TADA2B: variants seen among roughly 807,000 people sequenced by gnomAD.
The protein encoded by TADA2B is transcriptional adaptor 2B, also known as transcriptional adapter 2-beta.
In TADA2B, 13 loss-of-function variants were observed where a neutral mutation model predicts 34.5. The ratio of observed to expected loss-of-function variants is 0.38; its 90% CI spans 0.25 to 0.60. The LOEUF is 0.60. Among genes scored for constraint, TADA2B ranks in the 20% least tolerant of loss-of-function variants. TADA2B has a pLI of 0.65. For missense variants in TADA2B, 442 were observed against 575.0 expected (o/e 0.77, Z 2.37); for synonymous variants, 240 against 243.4 (o/e 0.99, Z 0.13).
At chr4:7,048,720 C>G (rs1029844933) in intron 1 of TADA2B, among the ~76,000 whole-genome samples, 2 of 152,134 alleles carry the variant, frequency 1.3e-5, no homozygotes, top group African/African-American at 4.8e-5. Flanking sequence ...AAACTCTGTC[C>G]CCATTCAACA....
Position 7,054,572 on chromosome 4 carries a change from C to G in TADA2B, c.781C>G (p.Pro261Ala), listed in dbSNP as rs760726462. The change falls in exon 2 of 2, where the codon CCG (proline) becomes GCG (alanine). Residue 261 changes from proline (P) to alanine (A), a missense_variant. Pro to Ala is a conservative substitution (Grantham distance 27). Coordinates refer to ENST00000310074, the MANE Select transcript of TADA2B (RefSeq NM_152293.3). ...EEKELRLKLRPLYQFMSCKEF... is the reference protein window; with the variant it reads ...EEKELRLKLRALYQFMSCKEF... ...GAAGGAGCTGCGCCTGAAGCTGAGGCCGCTGTACCAGTTCATGTCATGCAA... is the reference window on the plus strand; with the variant it reads ...GAAGGAGCTGCGCCTGAAGCTGAGGGCGCTGTACCAGTTCATGTCATGCAA... The G allele has an allele frequency of 1.2e-6, 2 of 1,613,916 alleles. No homozygotes were observed. The highest frequency in any genetic ancestry group is 2.2e-5 in the South Asian group (2 of 91,082).
intron 1 of TADA2B, among the ~76,000 whole-genome samples, chr4:7,045,389 C>T (rs1723601715): frequency 6.6e-6 from 1 of 152,174 alleles, no homozygotes; most frequent in South Asian, 2.1e-4. Flanking sequence ...GTTCGTTATT[C>T]CCCCTCCACC....
intron 1 of TADA2B, among the ~76,000 whole-genome samples, chr4:7,051,061 C>G (rs151106970): frequency 6.6e-6 from 1 of 152,186 alleles, no homozygotes; most frequent in Non-Finnish European, 1.5e-5. Context: ...TGGGCGTAGA[C>G]GTGCTTATCT....
At chr4:7,050,890 G>A (rs1048681546) in intron 1 of TADA2B, among the ~76,000 whole-genome samples, 3 of 152,198 alleles carry the variant, frequency 2.0e-5, no homozygotes, top group African/African-American at 7.2e-5. Flanking sequence ...GGCGACGGGT[G>A]TATGCTCCCA....
intron 1 of TADA2B, among the ~76,000 whole-genome samples, chr4:7,044,117 C>T (rs922147897): frequency 6.6e-6 from 1 of 152,272 alleles, no homozygotes; most frequent in African/African-American, 2.4e-5. Flanking sequence ...GAGCCATTTC[C>T]CTCACCTTCA....
At position 7,056,045 on chromosome 4, in the gene TADA2B, G is replaced by C. The variant is rs1364541376; in HGVS notation, c.*991G>C. On this transcript the variant is annotated 3_prime_UTR_variant, in exon 2 of 2. Transcript: ENST00000310074. ...AAGTACCTTTCCACTGAAAATATGA[G>C]CATGCCCGCCTGGCTAGTAGGCATC... 2.0e-5 allele frequency: 3 copies of C among 152,412 alleles called. No homozygotes were observed. Among genetic ancestry groups the C allele is most frequent in the African/African-American group, 7.2e-5 (3 of 41,456 alleles). The allele number at this position is 152,412 out of a possible 1,614,324, so 9.4% of individuals were successfully genotyped here. A position where few individuals can be genotyped will look rare whatever the true frequency, so the allele number is the denominator to read the frequency against.
In TADA2B at chr4:7,043,710, A is replaced by G; in HGVS notation, c.131A>G (p.His44Arg). ...ECFSAGAEIG[H>R]HRRYHGYQLV... is the part of the protein sequence containing the mutation. ...TTCTCGGCCGGCGCCGAGATCGGCC[A>G]CCACCGCCGCTACCACGGCTACCAG... The change falls in exon 1 of 2, where the codon CAC (histidine) becomes CGC (arginine). Residue 44 changes from histidine to arginine, a missense_variant. By Grantham distance (29) the His-to-Arg change is conservative. This residue lies in a region of TADA2B where 102 missense variants were observed against 177.2 expected (regional missense o/e 0.58). Coordinates refer to ENST00000310074, the MANE Select transcript of TADA2B (RefSeq NM_152293.3). 6.3e-7 allele frequency: 1 copy of G among 1,584,782 alleles called. No individual in the cohort carries two copies. The highest frequency in any genetic ancestry group is 8.5e-7 in the Non-Finnish European group (1 of 1,170,632).
intron 1 of TADA2B, among the ~76,000 whole-genome samples, chr4:7,048,743 CCCCCTT>C: frequency 6.6e-6 from 1 of 152,138 alleles, no homozygotes; most frequent in Non-Finnish European, 1.5e-5. Context: ...CACTCCCCCT[CCCCCTT>C]CCCCAGTCCC....
chr4:7,043,808 C>T lies in TADA2B; in HGVS notation c.229C>T (p.Leu77=), dbSNP rs749849289. The T allele has an allele frequency of 4.6e-6, 7 of 1,525,812 alleles. No homozygotes were observed. The East Asian group carries it at 7.3e-5, about 16-fold the overall frequency. The allele number at this position is 1,525,812 out of a possible 1,614,324, so 94.5% of individuals were successfully genotyped here. ...CGGCTGGACCAGTCGCGAGGAGCAG[C>T]TGCTGCTGGACGCCATCGAGCAGTT... The part of the protein sequence containing the change: ...EGGWTSREEQ[L]LLDAIEQFGF... Residue 77 remains leucine (L), a synonymous_variant, in exon 1 of 2, where the codon CTG becomes TTG. Coordinates refer to ENST00000310074, the MANE Select transcript of TADA2B (RefSeq NM_152293.3).
Position 7,051,215 on chromosome 4 carries a change from C to T in TADA2B, c.271-2847C>T, listed in dbSNP as rs374362923. Among the ~76,000 whole-genome samples, 8 of 152,324 alleles carry T rather than the reference C, an allele frequency of 5.3e-5. No individual in the cohort carries two copies. The South Asian group carries it at 1.7e-3, about 32-fold the overall frequency. ...GGCTTCCTGGACCCGGCGACCTGGT[C>T]TTGGATAAACCTTCCCTGTGGGAGG... On this transcript the variant is annotated intron_variant, in intron 1 of 1. Coordinates refer to ENST00000310074, the MANE Select transcript of TADA2B (RefSeq NM_152293.3).
At chr4:7,047,651 G>T (rs563647740) in intron 1 of TADA2B, among the ~76,000 whole-genome samples, 1 of 152,262 alleles carries the variant, frequency 6.6e-6, no homozygotes, top group Non-Finnish European at 1.5e-5. Flanking sequence ...GGCAGGTGCC[G>T]TGTGGGCAAG....
At chr4:7,050,571 A>G (rs995373929) in intron 1 of TADA2B, among the ~76,000 whole-genome samples, 8 of 152,194 alleles carry the variant, frequency 5.3e-5, no homozygotes, top group Non-Finnish European at 8.8e-5. Context: ...GGGGTGAGGA[A>G]AGGACAGCAG....
At position 7,054,104 on chromosome 4, in the gene TADA2B, G is replaced by C. The variant is rs2108786599; in HGVS notation, c.313G>C (p.Glu105Gln). ...AHVGASRTPQ[E>Q]VMEHYVSMYI... ...CGTTGGTGCTTCCCGGACTCCCCAA[G>C]AGGTGATGGAGCATTACGTGAGCAT... is the stretch of plus-strand genomic sequence containing the variant. The change falls in exon 2 of 2, where the codon GAG becomes CAG. Residue 105 changes from glutamate to glutamine, a missense_variant. Glu to Gln is a conservative substitution (Grantham distance 29). Transcript: ENST00000310074. The C allele has an allele frequency of 1.2e-6, 2 of 1,600,310 alleles. No individual in the cohort carries two copies. The highest frequency in any genetic ancestry group is 4.5e-5 in the East Asian group (2 of 44,352).
Position 7,043,779 on chromosome 4 carries a change from A to G in TADA2B, c.200A>G (p.Glu67Gly). 6.4e-7 allele frequency: 1 copy of G among 1,569,940 alleles called. No homozygotes were observed. Residue 67 changes from glutamate to glycine, a missense_variant, in exon 1 of 2, where the codon GAG becomes GGG. By Grantham distance (98) the Glu-to-Gly change is moderately conservative. Around this residue, in one of 4 missense-constraint regions of TADA2B, gnomAD observed 102 missense variants for 177.2 expected, o/e 0.58. Transcript: ENST00000310074. ...GRFTLWGPEA[E>G]GGWTSREEQL... is the part of the protein sequence containing the mutation. ...TTCACGCTCTGGGGGCCCGAGGCCG[A>G]GGGCGGCTGGACCAGTCGCGAGGAG...
At position 7,054,927 on chromosome 4, in the gene TADA2B, A is replaced by G; in HGVS notation, c.1136A>G (p.Asp379Gly). The G allele has an allele frequency of 6.2e-7, 1 of 1,613,880 alleles. No homozygotes were observed. The highest frequency in any genetic ancestry group is 8.5e-7 in the Non-Finnish European group (1 of 1,179,892). ...YVTVKTIIIK[D>G]HLQKRQGIPS... ...ACTGTGAAGACTATTATAATTAAAG[A>G]CCACCTCCAGAAGCGGCAAGGAATC... Residue 379 changes from aspartate to glycine, a missense_variant, in exon 2 of 2, where the codon GAC (aspartate) becomes GGC (glycine). Transcript: ENST00000310074.
At chr4:7,044,467 GTT>G (rs1306313385) in intron 1 of TADA2B, among the ~76,000 whole-genome samples, 2 of 152,188 alleles carry the variant, frequency 1.3e-5, no homozygotes, top group Non-Finnish European at 2.9e-5. Flanking sequence ...TGGGGCTTGG[GTT>G]TTGCTCTCTT....
chr4:7,045,164 G>C (rs1043174323), intron 1 of TADA2B: 1 of 152,276 alleles, frequency 6.6e-6, no homozygotes, highest in African/African-American at 2.4e-5. Context: ...TACTGACTTG[G>C]TCCTAGGCCC....
At chr4:7,047,650 C>G (rs1241594096) in intron 1 of TADA2B, among the ~76,000 whole-genome samples, 12 of 152,198 alleles carry the variant, frequency 7.9e-5, no homozygotes, top group African/African-American at 2.2e-4. Context: ...TGGCAGGTGC[C>G]GTGTGGGCAA....
At chr4:7,052,392 G>A (rs971847060) in intron 1 of TADA2B, among the ~76,000 whole-genome samples, 10 of 152,244 alleles carry the variant, frequency 6.6e-5, no homozygotes, top group African/African-American at 1.9e-4. Flanking sequence ...GACACGGCCT[G>A]TAGTTATCTG....
Sources: gnomAD v4.1 joint callset for allele counts (sites outside exome capture counted in the v4.1 genomes callset) on GRCh38, gnomAD v4.1.1 for gene constraint, gnomAD v4.1.1 regional missense constraint, MANE v1.5 for transcripts, NCBI Gene and HGNC (gene_info 2026-07-23, HGNC 2026-07-21) for gene names.